Variants in VPS13B observed in about 807,000 individuals in gnomAD.
The protein encoded by VPS13B is vacuolar protein sorting 13 homolog B, also known as intermembrane lipid transfer protein VPS13B.
Under a neutral mutation model 426.4 loss-of-function variants are expected in VPS13B, and 285 were observed. That is an observed-to-expected ratio of 0.67 (90% CI 0.61 to 0.74). The LOEUF (loss-of-function observed/expected upper bound fraction) is 0.74, where lower values mean the gene tolerates loss of function less well. VPS13B is among the 30% of genes least tolerant of loss of function. The pLI, the probability that VPS13B is intolerant of heterozygous loss-of-function variation, is 0.00. For missense variants in VPS13B, 4,537 were observed against 4,782.6 expected (o/e 0.95, Z 1.51); for synonymous variants, 1,676 against 1,676.4 (o/e 1.00, Z 0.01).
intron 22 of VPS13B, among the ~76,000 whole-genome samples, chr8:99,437,870 T>C (rs1462961205): frequency 2.6e-5 from 4 of 152,172 alleles, no homozygotes; most frequent in African/African-American, 9.7e-5. Flanking sequence ...AAGCACATAA[T>C]TGGCAATAGT....
chr8:99,614,311 C>T (rs1827976669), intron 33 of VPS13B, among the ~76,000 whole-genome samples: 1 of 151,976 alleles, frequency 6.6e-6, no homozygotes, highest in Admixed American at 6.6e-5. Flanking sequence ...GAGTTTCGCT[C>T]TTGTTGCACA....
At chr8:99,159,153 T>A (rs1811513474) in intron 15 of VPS13B, among the ~76,000 whole-genome samples, 1 of 152,172 alleles carries the variant, frequency 6.6e-6, no homozygotes, top group Non-Finnish European at 1.5e-5. Flanking sequence ...GCAGATGTGA[T>A]GGAAATAGCA....
intron 40 of VPS13B, among the ~76,000 whole-genome samples, chr8:99,767,984 T>TA (rs556073359): frequency 1.0e-3 from 153 of 152,270 alleles, no homozygotes; most frequent in African/African-American, 3.5e-3. Flanking sequence ...TTTGCCTACT[T>TA]AACACATCCA....
intron 32 of VPS13B, among the ~76,000 whole-genome samples, chr8:99,576,900 A>C (rs1234219096): frequency 6.6e-6 from 1 of 152,004 alleles, no homozygotes; most frequent in Non-Finnish European, 1.5e-5. Context: ...TAGCTTCAAC[A>C]CTCCGTTTTC....
intron 19 of VPS13B, chr8:99,341,311 A>G (rs1216914193): frequency 6.0e-6 from 1 of 167,584 alleles, no homozygotes; most frequent in Non-Finnish European, 1.3e-5. Flanking sequence ...TGTAGTAACG[A>G]TCACTCTCAA....
intron 35 of VPS13B, among the ~76,000 whole-genome samples, chr8:99,692,222 C>A (rs1831707438): frequency 1.3e-5 from 2 of 148,380 alleles, no homozygotes; most frequent in Non-Finnish European, 3.0e-5. Flanking sequence ...CTCTCCACCC[C>A]AAATCAACAG....
rs1832190808 is a variant in VPS13B at position 99,699,734 on chromosome 8, C to A, written c.6256C>A (p.His2086Asn). 1 of 1,614,018 alleles carries A rather than the reference C, an allele frequency of 6.2e-7. No homozygotes were observed. Among genetic ancestry groups the A allele is most frequent in the African/African-American group, 1.3e-5 (1 of 74,922 alleles). Residue 2086 changes from histidine to asparagine, a missense_variant, in exon 36 of 62, where the codon CAT (histidine) becomes AAT (asparagine). Physicochemically the swap from His to Asn is moderately conservative, Grantham distance 68. Around this residue, in one of 2 missense-constraint regions of VPS13B, gnomAD observed 4,311 missense variants for 4,474.3 expected, o/e 0.96. Coordinates refer to ENST00000357162, the MANE Select transcript of VPS13B (RefSeq NM_152564.5). ...YRGKLSKPKI[H>N]GDGVQKISAQ... ...TGGAAAGTTGTCTAAACCCAAAATT[C>A]ATGGTGATGGAGTGCAAAAGATTTC...
At chr8:99,164,616 G>A (rs1811883958) in intron 15 of VPS13B, among the ~76,000 whole-genome samples, 1 of 152,148 alleles carries the variant, frequency 6.6e-6, no homozygotes, top group Non-Finnish European at 1.5e-5. Context: ...AATATGCCTT[G>A]GCTGGGTAGA....
chr8:99,188,533 A>C (rs1362590035), intron 16 of VPS13B, among the ~76,000 whole-genome samples: 1 of 152,186 alleles, frequency 6.6e-6, no homozygotes, highest in Non-Finnish European at 1.5e-5. Flanking sequence ...CGCAATGAAC[A>C]TTCTTGTGCA....
At chr8:99,173,660 T>A (rs1298011438) in intron 16 of VPS13B, among the ~76,000 whole-genome samples, 1 of 152,218 alleles carries the variant, frequency 6.6e-6, no homozygotes. Context: ...TTCTCTTATC[T>A]CCACCTGATA....
At chr8:99,710,475 C>A (rs1365781772) in intron 36 of VPS13B, among the ~76,000 whole-genome samples, 1 of 151,464 alleles carries the variant, frequency 6.6e-6, no homozygotes, top group Non-Finnish European at 1.5e-5. Context: ...ATATAAGATT[C>A]AAAATAAGGA....
intron 24 of VPS13B, 122 bp downstream of exon 24, chr8:99,467,756 C>T: frequency 9.6e-7 from 1 of 1,042,768 alleles, no homozygotes; most frequent in East Asian, 2.6e-5. Context: ...ACTTGGCCAT[C>T]AAGATCAGGG....
intron 17 of VPS13B, among the ~76,000 whole-genome samples, chr8:99,226,303 C>T (rs1383176355): frequency 6.6e-6 from 1 of 152,154 alleles, no homozygotes; most frequent in East Asian, 1.9e-4. Flanking sequence ...AACCTGTTTT[C>T]CATTAAGACA....
At chr8:99,638,410 A>C (rs961984261) in intron 33 of VPS13B, among the ~76,000 whole-genome samples, 1 of 152,158 alleles carries the variant, frequency 6.6e-6, no homozygotes, top group African/African-American at 2.4e-5. Flanking sequence ...AAACATACTC[A>C]GTGGTATTTT....
chr8:99,362,556 A>G (rs1588293617), intron 19 of VPS13B, among the ~76,000 whole-genome samples: 1 of 152,324 alleles, frequency 6.6e-6, no homozygotes, highest in East Asian at 1.9e-4. Flanking sequence ...TAAGGGAAAA[A>G]TGGTCTTATT....
rs1489283281 is a variant in VPS13B at position 99,100,622 on chromosome 8, CAGT to C, written c.413-2327_413-2325del. Among the ~76,000 whole-genome samples, 3 of 152,150 alleles carry C rather than the reference CAGT, an allele frequency of 2.0e-5. No homozygotes were observed. In the East Asian group the frequency reaches 5.8e-4, roughly 29 times the overall value. On this transcript the variant is annotated intron_variant, in intron 4 of 61. Transcript: ENST00000357162. ...ATTTTTAAAAAGATGAACAATCCAT[CAGT>C]AGTGTTCTATCAGTTAAAATACATA... is the stretch of plus-strand genomic sequence containing the variant.
intron 39 of VPS13B, among the ~76,000 whole-genome samples, chr8:99,727,431 A>G (rs1833395725): frequency 6.6e-6 from 1 of 152,236 alleles, no homozygotes. Context: ...GACATACCCA[A>G]GACTGGCCAA....
At chr8:99,807,638 C>A (rs1813469874) in intron 43 of VPS13B, among the ~76,000 whole-genome samples, 1 of 151,320 alleles carries the variant, frequency 6.6e-6, no homozygotes, top group Non-Finnish European at 1.5e-5. Flanking sequence ...ATATATAAGA[C>A]CATATTTTCC....
At chr8:99,717,605 T>C (rs1832975099) in intron 37 of VPS13B, among the ~76,000 whole-genome samples, 1 of 152,148 alleles carries the variant, frequency 6.6e-6, no homozygotes, top group African/African-American at 2.4e-5. Flanking sequence ...TGCACAATCA[T>C]TACCACAGTC....
Sources: allele counts gnomAD v4.1 joint callset (sites outside exome capture counted in the v4.1 genomes callset), GRCh38; gene constraint gnomAD v4.1.1; regional missense constraint gnomAD v4.1.1; transcripts MANE v1.5; gene names NCBI Gene and HGNC (gene_info 2026-07-23, HGNC 2026-07-21).